Variants in ZNF793 observed in about 807,000 individuals in gnomAD.
ZNF793 encodes the protein zinc finger protein 793.
Under a neutral mutation model 12.4 loss-of-function variants are expected in ZNF793, and 5 were observed. That is an observed-to-expected ratio of 0.40 (90% confidence interval 0.21 to 0.84). The LOEUF (loss-of-function observed/expected upper bound fraction) is 0.84. ZNF793 is among the 40% of genes least tolerant of loss of function. The pLI, the probability that ZNF793 is intolerant of heterozygous loss-of-function variation, is 0.35. For missense variants in ZNF793, 456 were observed against 495.0 expected (o/e 0.92, Z 0.75); for synonymous variants, 162 against 172.4 (o/e 0.94, Z 0.47).
chr19:37,511,661 ACT>A (rs2042295527), intron 2 of ZNF793, among the ~76,000 whole-genome samples: 1 of 152,014 alleles, frequency 6.6e-6, no homozygotes, highest in South Asian at 2.1e-4. Context: ...ACAGAACAAG[ACT>A]CTGTCTCAAA....
At chr19:37,527,258 C>T (rs1290042537) in intron 5 of ZNF793, among the ~76,000 whole-genome samples, 5 of 151,662 alleles carry the variant, frequency 3.3e-5, no homozygotes, top group African/African-American at 7.3e-5. Context: ...TTCACCATAT[C>T]GGCCAGGCTG....
At chr19:37,535,551 G>A (rs915050569) in intron 7 of ZNF793, 2 of 151,610 alleles carry the variant, frequency 1.3e-5, no homozygotes, top group South Asian at 4.2e-4. Flanking sequence ...TTTAGATGGA[G>A]TTTCACTCTG....
At chr19:37,512,888 A>G (rs1465964753) in intron 2 of ZNF793, among the ~76,000 whole-genome samples, 2 of 151,996 alleles carry the variant, frequency 1.3e-5, no homozygotes, top group African/African-American at 4.8e-5. Flanking sequence ...TTTAGTTGTC[A>G]TATCTCTTTA....
At chr19:37,518,104 G>A (rs1421278276) in intron 2 of ZNF793, among the ~76,000 whole-genome samples, 1 of 152,010 alleles carries the variant, frequency 6.6e-6, no homozygotes, top group Non-Finnish European at 1.5e-5. Flanking sequence ...CCAAGTCGGA[G>A]TACACCACTC....
chr19:37,517,790 T>C (rs1200460280), intron 2 of ZNF793, among the ~76,000 whole-genome samples: 1 of 152,174 alleles, frequency 6.6e-6, no homozygotes, highest in African/African-American at 2.4e-5. Context: ...TCAGTTTCTA[T>C]GATGTGTCAT....
Position 37,542,505 on chromosome 19 carries a change from A to T in ZNF793, c.*4626A>T, listed in dbSNP as rs1424939909. The T allele has an allele frequency of 2.6e-6, 1 of 384,060 alleles. No individual in the cohort carries two copies. Among genetic ancestry groups the T allele is most frequent in the African/African-American group, 2.1e-5 (1 of 47,962 alleles). The allele number at this position is 384,060 out of a possible 1,614,324, so 23.8% of individuals were successfully genotyped here. On this transcript the variant is annotated 3_prime_UTR_variant, in exon 8 of 8. Transcript: ENST00000627814. ...TACATAAAAGACAGATGAACATGTG[A>T]ACATGGACATTTATTGTAAAAATTG...
intron 5 of ZNF793, among the ~76,000 whole-genome samples, chr19:37,525,240 G>A (rs111660854): frequency 0.14 from 21,079 of 151,224 alleles, 1,601 homozygotes; most frequent in South Asian, 0.24. Flanking sequence ...CCGGGTTCAC[G>A]CCATTCTCCT....
At position 37,537,408 on chromosome 19, in the gene ZNF793, T is replaced by C. The variant is rs1208568395; in HGVS notation, c.750T>C (p.Thr250=). The C allele has an allele frequency of 1.9e-6, 3 of 1,613,172 alleles. No homozygotes were observed. In the East Asian group the frequency reaches 6.7e-5, roughly 36 times the overall value. The change falls in exon 8 of 8, where the codon ACT becomes ACC. Residue 250 remains threonine (T), a synonymous_variant. Transcript: ENST00000627814. The part of the protein sequence containing the change: ...SEFIRHQRSH[T]GEKPYGCTDC... Reference sequence around the variant, plus strand: ...TCATTAGGCATCAGAGAAGTCACACTGGGGAGAAGCCTTATGGCTGCACTG... The same window carrying C: ...TCATTAGGCATCAGAGAAGTCACACCGGGGAGAAGCCTTATGGCTGCACTG...
intron 7 of ZNF793, chr19:37,535,218 T>C (rs557691572): frequency 6.6e-6 from 1 of 152,280 alleles, no homozygotes; most frequent in South Asian, 2.1e-4. Context: ...GGTCTTGATC[T>C]CCTGACCTCG....
At chr19:37,510,186 C>T (rs2042282298) in intron 2 of ZNF793, among the ~76,000 whole-genome samples, 1 of 151,962 alleles carries the variant, frequency 6.6e-6, no homozygotes, top group African/African-American at 2.4e-5. Context: ...CATAGCGAAA[C>T]TCCATCATTA....
rs1474998490 is a variant in ZNF793, at chr19:37,540,752, A to AT, written c.*2879dup. On this transcript the variant is annotated 3_prime_UTR_variant, in exon 8 of 8. Transcript: ENST00000627814. Reference sequence around the variant, plus strand: ...TTGTACACCAATAAATGAAAAGACTATTTTTTGAGTTAACTTTTCTAAGAA... The same window carrying AT: ...TTGTACACCAATAAATGAAAAGACTATTTTTTTGAGTTAACTTTTCTAAGAA... 1 of 151,960 alleles carries AT rather than the reference A, an allele frequency of 6.6e-6. No individual in the cohort carries two copies. Among genetic ancestry groups the AT allele is most frequent in the African/African-American group, 2.4e-5 (1 of 41,430 alleles). 9.4% of individuals were successfully genotyped at this position (151,960 alleles called of 1,614,324 possible).
intron 2 of ZNF793, among the ~76,000 whole-genome samples, chr19:37,510,029 T>C (rs961617056): frequency 1.5e-4 from 23 of 152,134 alleles, no homozygotes; most frequent in Non-Finnish European, 3.4e-4. Context: ...ATTGAGATAA[T>C]TTCATTTATA....
chr19:37,530,105 G>A (rs894618266), intron 5 of ZNF793, among the ~76,000 whole-genome samples: 12 of 152,190 alleles, frequency 7.9e-5, no homozygotes, highest in Non-Finnish European at 1.6e-4. Context: ...ATAATTAAGT[G>A]CTGTGCTTTA....
chr19:37,537,776 G>A lies in ZNF793; in HGVS notation c.1118G>A (p.Gly373Glu). ...AAGCCCTATGGGTGCAATGAATGTG[G>A]GAAAGCTTTCTACCAGAAGCCAAAC... ...GEKPYGCNEC[G>E]KAFYQKPNLS... Residue 373 changes from glycine to glutamate, a missense_variant, in exon 8 of 8, where the codon GGG becomes GAG. Coordinates refer to ENST00000627814, the MANE Select transcript of ZNF793 (RefSeq NM_001013659.3). The A allele has an allele frequency of 6.2e-7, 1 of 1,614,060 alleles. No homozygotes were observed.
At chr19:37,530,282 C>T (rs1568324556) in intron 5 of ZNF793, among the ~76,000 whole-genome samples, 2 of 152,132 alleles carry the variant, frequency 1.3e-5, no homozygotes, top group Admixed American at 1.3e-4. Context: ...AGACAGATGC[C>T]TTCCTCTTGT....
intron 2 of ZNF793, among the ~76,000 whole-genome samples, chr19:37,518,750 G>C (rs1216516900): frequency 2.6e-5 from 4 of 151,694 alleles, no homozygotes; most frequent in Admixed American, 6.6e-5. Flanking sequence ...AGCAAGCCAT[G>C]ATCATGCCAC....
intron 2 of ZNF793, among the ~76,000 whole-genome samples, chr19:37,514,605 GAT>G (rs1245444770): frequency 9.7e-5 from 13 of 133,450 alleles, no homozygotes; most frequent in African/African-American, 3.9e-4. Flanking sequence ...TAGATAGATA[GAT>G]AGATAGACTC....
intron 4 of ZNF793, among the ~76,000 whole-genome samples, chr19:37,523,009 A>G (rs180754345): frequency 5.0e-4 from 76 of 152,176 alleles, no homozygotes; most frequent in African/African-American, 2.4e-5. Context: ...AAGGGTATTT[A>G]TTTGTTTGTT....
intron 5 of ZNF793, among the ~76,000 whole-genome samples, chr19:37,524,940 G>C (rs2147085283): frequency 6.6e-6 from 1 of 152,246 alleles, no homozygotes; most frequent in South Asian, 2.1e-4. Context: ...TTAGACCCAA[G>C]GCAGAACTCC....
Sources: gnomAD v4.1 joint callset for allele counts (sites outside exome capture counted in the v4.1 genomes callset) on GRCh38, gnomAD v4.1.1 for gene constraint, MANE v1.5 for transcripts, NCBI Gene and HGNC (gene_info 2026-07-23, HGNC 2026-07-21) for gene names.